The following RBFOX1 variants were observed in gnomAD, a reference collection of about 807,000 sequenced individuals.
RBFOX1 encodes the protein RNA binding protein fox-1 homolog 1.
Under a neutral mutation model 57.7 loss-of-function variants are expected in RBFOX1, and 8 were observed. That is an observed-to-expected ratio of 0.14 (90% CI 0.08 to 0.25). The LOEUF (loss-of-function observed/expected upper bound fraction) is 0.25. Ranked by LOEUF, RBFOX1 falls within the 10% of genes least tolerant of loss-of-function variation. The pLI is 1.00. For missense variants in RBFOX1, 611 were observed against 548.5 expected (o/e 1.11, Z -1.14); for synonymous variants, 326 against 222.4 (o/e 1.47, Z -4.15).
chr16:6,523,701 C>G (rs1322179638), intron 2 of RBFOX1, among the ~76,000 whole-genome samples: 5 of 152,170 alleles, frequency 3.3e-5, no homozygotes, highest in Middle Eastern at 3.4e-3. Flanking sequence ...TGTTAAAGAA[C>G]TTCAAAATTA....
intron 4 of RBFOX1, among the ~76,000 whole-genome samples, chr16:5,945,600 T>C (rs2152270470): frequency 6.6e-6 from 1 of 152,266 alleles, no homozygotes; most frequent in South Asian, 2.1e-4. Context: ...CTCAGAGAGA[T>C]TAATAACTCC....
intron 4 of RBFOX1, among the ~76,000 whole-genome samples, chr16:7,500,890 C>A (rs983035279): frequency 6.6e-6 from 1 of 152,168 alleles, no homozygotes; most frequent in Non-Finnish European, 1.5e-5. Flanking sequence ...GGGACAGTTA[C>A]CTCCATGCTG....
intron 4 of RBFOX1, among the ~76,000 whole-genome samples, chr16:7,491,947 C>G (rs749821069): frequency 7.9e-5 from 12 of 152,100 alleles, no homozygotes; most frequent in East Asian, 5.8e-4. Context: ...TTTTGTCATT[C>G]TGAATATTGA....
intron 3 of RBFOX1, among the ~76,000 whole-genome samples, chr16:6,730,074 G>C (rs2068156835): frequency 6.6e-6 from 1 of 152,086 alleles, no homozygotes; most frequent in Admixed American, 6.6e-5. Flanking sequence ...TATATTCCCA[G>C]GCTGCCTGTT....
chr16:6,271,687 T>A (rs974258215), intron 1 of RBFOX1, among the ~76,000 whole-genome samples: 2 of 152,178 alleles, frequency 1.3e-5, no homozygotes, highest in Admixed American at 6.5e-5. Context: ...CAAACTTATC[T>A]TTGACAACTT....
chr16:5,769,523 G>T (rs1263966689), intron 3 of RBFOX1, among the ~76,000 whole-genome samples: 4 of 151,934 alleles, frequency 2.6e-5, no homozygotes, highest in African/African-American at 9.7e-5. Flanking sequence ...TATGGTGGCA[G>T]GCACCTGTAA....
chr16:7,145,989 T>A (rs962207668), intron 4 of RBFOX1, among the ~76,000 whole-genome samples: 1 of 152,204 alleles, frequency 6.6e-6, no homozygotes, highest in African/African-American at 2.4e-5. Context: ...TCACCCCATC[T>A]GTGTCCACAG....
chr16:6,321,549 T>C (rs2081794735), intron 2 of RBFOX1, among the ~76,000 whole-genome samples: 2 of 152,342 alleles, frequency 1.3e-5, no homozygotes, highest in African/African-American at 2.4e-5. Flanking sequence ...ACAGCATTCA[T>C]CTATTCTAAC....
intron 4 of RBFOX1, among the ~76,000 whole-genome samples, chr16:5,868,908 A>G (rs2057402206): frequency 6.6e-6 from 1 of 152,200 alleles, no homozygotes; most frequent in South Asian, 2.1e-4. Flanking sequence ...GTTTCTGTGT[A>G]TTTAGCATCT....
intron 4 of RBFOX1, among the ~76,000 whole-genome samples, chr16:7,372,994 C>G (rs1005065131): frequency 1.1e-4 from 16 of 150,698 alleles, no homozygotes; most frequent in African/African-American, 3.9e-4. Context: ...TGCAGTGGTG[C>G]ATTCTTGGCT....
At chr16:5,450,702 C>T (rs1189458802) in intron 1 of RBFOX1, among the ~76,000 whole-genome samples, 1 of 152,180 alleles carries the variant, frequency 6.6e-6, no homozygotes, top group Non-Finnish European at 1.5e-5. Context: ...ACCACCGCTC[C>T]GTGCTGGAAT....
chr16:6,621,986 C>T (rs868097321), intron 2 of RBFOX1, among the ~76,000 whole-genome samples: 4 of 152,130 alleles, frequency 2.6e-5, no homozygotes, highest in South Asian at 4.1e-4. Context: ...CTGCTAGGTT[C>T]GTGTTAGCCA....
chr16:6,106,430 T>C (rs67896373), intron 1 of RBFOX1, among the ~76,000 whole-genome samples: 99,072 of 144,222 alleles, frequency 0.69, 34,578 homozygotes, highest in African/African-American at 0.8. Flanking sequence ...CGTGCCACTG[T>C]ACTCCAGCCT....
intron 2 of RBFOX1, among the ~76,000 whole-genome samples, chr16:6,648,341 A>G (rs144088233): frequency 8.3e-4 from 126 of 152,110 alleles, no homozygotes; most frequent in African/African-American, 2.7e-3. Context: ...GATTATAGGC[A>G]TGATGCATTT....
At chr16:7,131,730 G>A (rs1314990792) in intron 4 of RBFOX1, among the ~76,000 whole-genome samples, 2 of 151,962 alleles carry the variant, frequency 1.3e-5, no homozygotes, top group African/African-American at 2.4e-5. Context: ...TCTGACCAGA[G>A]GCTCTTGTAC....
chr16:5,910,805 G>T (rs2058584825), intron 4 of RBFOX1, among the ~76,000 whole-genome samples: 1 of 152,132 alleles, frequency 6.6e-6, no homozygotes, highest in South Asian at 2.1e-4. Flanking sequence ...TTCTCTGTGT[G>T]CAGTGCAGGC....
At position 7,518,200 on chromosome 16, in the gene RBFOX1, G is replaced by A. The variant is rs573820749; in HGVS notation, c.81G>A (p.Ser27=). The A allele has an allele frequency of 1.2e-6, 2 of 1,613,944 alleles. No homozygotes were observed. The highest frequency in any genetic ancestry group is 1.7e-5 in the Admixed American group (1 of 60,004). ...ACACAATGGCTCAGCCTTACGCTTC[G>A]GCCCAGTTTGCTCCCCCGCAGAACG... ...APDTMAQPYA[S]AQFAPPQNGI... The change falls in exon 5 of 16, where the codon TCG becomes TCA. Residue 27 remains serine, a synonymous_variant. Coordinates refer to ENST00000550418, the MANE Select transcript of RBFOX1 (RefSeq NM_018723.4).
At chr16:7,166,143 A>G (rs2079463770) in intron 4 of RBFOX1, among the ~76,000 whole-genome samples, 1 of 152,060 alleles carries the variant, frequency 6.6e-6, no homozygotes, top group African/African-American at 2.4e-5. Context: ...CCTTCCGAGT[A>G]GATGGGATTA....
In RBFOX1 at chr16:6,498,913, A is replaced by C. The variant is rs146072167; in HGVS notation, c.-63-155690A>C. Among the ~76,000 whole-genome samples the C allele has an allele frequency of 3.7e-3, 564 of 152,344 alleles. 4 individuals carry two copies. Among genetic ancestry groups the C allele is most frequent in the African/African-American group, 0.013 (541 of 41,582 alleles). ...TACTGACACCACCTTCTATAGGCTT[A>C]TACGGCAAGTAGCAGTATGCCTTGG... is the stretch of plus-strand genomic sequence containing the variant. On this transcript the variant is annotated intron_variant, in intron 2 of 15. Transcript: ENST00000550418.
Sources: allele counts gnomAD v4.1 joint callset (sites outside exome capture counted in the v4.1 genomes callset), GRCh38; gene constraint gnomAD v4.1.1; transcripts MANE v1.5; gene names NCBI Gene and HGNC (gene_info 2026-07-23, HGNC 2026-07-21).